Variants in NLRP11 observed in about 807,000 individuals in gnomAD.
NLRP11 encodes the protein NACHT, LRR and PYD domains-containing protein 11.
Under a neutral mutation model 79.3 loss-of-function variants are expected in NLRP11, and 53 were observed. That is an observed-to-expected ratio of 0.67 (90% CI 0.54 to 0.84). The LOEUF is 0.84. Ranked by LOEUF, NLRP11 falls within the 40% of genes least tolerant of loss-of-function variation. The pLI, the probability that NLRP11 is intolerant of heterozygous loss-of-function variation, is 0.00. For synonymous variants in NLRP11, 518 were observed against 462.6 expected, an observed-to-expected ratio of 1.12 and a Z score of -1.54; for missense variants, 1,264 against 1,255.0, an observed-to-expected ratio of 1.01 and a Z score of -0.11.
At chr19:55,829,388 GGC>G in intron 1 of NLRP11, among the ~76,000 whole-genome samples, 1 of 152,038 alleles carries the variant, frequency 6.6e-6, no homozygotes, top group Middle Eastern at 3.4e-3. Context: ...CTTTAGGCTG[GGC>G]AGGGTGGCTC....
chr19:55,792,146 C>T (rs749557236), intron 7 of NLRP11, among the ~76,000 whole-genome samples, 155 bp downstream of exon 7: 1 of 152,074 alleles, frequency 6.6e-6, no homozygotes, highest in African/African-American at 2.4e-5. Flanking sequence ...TGAATCTTAC[C>T]GTGCTTTCAT....
rs958924740 is a variant in NLRP11, at chr19:55,809,380, C to T, written c.1230G>A (p.Leu410=). 1 of 1,614,160 alleles carries T rather than the reference C, an allele frequency of 6.2e-7. No homozygotes were observed. Among genetic ancestry groups the T allele is most frequent in the East Asian group, 2.2e-5 (1 of 44,874 alleles). The change falls in exon 3 of 10, where the codon CTG becomes CTA. Residue 410 remains leucine (L), a synonymous_variant. Transcript: ENST00000589093. This position sits in a 1 kb window ranked among gnomAD's most constrained non-coding sequence, Gnocchi z 4.5. ...ATCTGAGGTCTTCACCACTGAAATT[C>T]AGGGTGCTCAGAAACAGTCCTCCTG...
chr19:55,796,145 C>T (rs201726892), exon 6 of NLRP11: 155 of 1,613,982 alleles, frequency 9.6e-5, no homozygotes, highest in Non-Finnish European at 1.2e-4. Context: ...TCCCGTCGCT[C>T]CTCAGCGGAT....
At chr19:55,834,503 A>G (rs550141988), upstream of NLRP11, among the ~76,000 whole-genome samples, 17 of 152,370 alleles carry the variant, frequency 1.1e-4, no homozygotes, top group African/African-American at 4.1e-4. Flanking sequence ...GTAGGCAGTA[A>G]GGTGCAGCTA....
intron 1 of NLRP11, among the ~76,000 whole-genome samples, chr19:55,821,189 GCTCT>G (rs146995362): frequency 3.7e-4 from 52 of 140,674 alleles, no homozygotes; most frequent in South Asian, 7.2e-4. Context: ...TATGTGACCA[GCTCT>G]CTCTCTCTCT....
At position 55,796,222 on chromosome 19, in the gene NLRP11, C is replaced by T. The variant is rs200567115; in HGVS notation, c.2200G>A (p.Glu734Lys). The change falls in exon 6 of 10, where the codon GAA (glutamate) becomes AAA (lysine). Residue 734 changes from glutamate to lysine, a missense_variant. Glu to Lys is a moderately conservative substitution (Grantham distance 56). Transcript: ENST00000589093. ...AGGAGAGAGGCGATTTCTTCACATT[C>T]GCTGGCTCGCAAATCACATTTCATC... is the stretch of plus-strand genomic sequence containing the variant. The T allele has an allele frequency of 8.8e-5, 142 of 1,613,286 alleles. 1 individual carries two copies. The Middle Eastern group carries it at 9.9e-4, about 11-fold the overall frequency.
chr19:55,787,497 C>T (rs566287363), intron 9 of NLRP11, among the ~76,000 whole-genome samples: 78 of 152,198 alleles, frequency 5.1e-4, no homozygotes, highest in African/African-American at 1.6e-3. Flanking sequence ...TCACTACGCC[C>T]GGCTAACTTT....
At chr19:55,820,869 G>A (rs958729012) in intron 1 of NLRP11, among the ~76,000 whole-genome samples, 1 of 152,148 alleles carries the variant, frequency 6.6e-6, no homozygotes, top group Admixed American at 6.5e-5. Flanking sequence ...CTGAAGCCAG[G>A]ATTTCAGGGT....
At chr19:55,827,432 A>T (rs1038685477) in intron 1 of NLRP11, among the ~76,000 whole-genome samples, 2 of 150,850 alleles carry the variant, frequency 1.3e-5, no homozygotes, top group African/African-American at 4.9e-5. Flanking sequence ...AATTAAACTA[A>T]AGAGCTTCTG....
chr19:55,811,112 A>AT lies in NLRP11; in HGVS notation c.272-775dup, dbSNP rs886388752. 5.9e-4 allele frequency among the ~76,000 whole-genome samples: 89 copies of AT among 152,026 alleles called. 3 individuals are homozygous for AT. The highest frequency in any genetic ancestry group is 1.8e-4 in the Non-Finnish European group (12 of 67,994). On this transcript the variant is annotated intron_variant, in intron 2 of 9. Coordinates refer to ENST00000589093, the Ensembl canonical transcript of NLRP11. ...GAGTTACACGTTCATCTTCCCTTCTATTTTTTTGTTTATGCATATCATTAC... is the reference window on the plus strand; with the variant it reads ...GAGTTACACGTTCATCTTCCCTTCTATTTTTTTTGTTTATGCATATCATTAC...
chr19:55,809,475 T>C lies in NLRP11; in HGVS notation c.1135A>G (p.Thr379Ala). The C allele has an allele frequency of 6.2e-7, 1 of 1,614,066 alleles. No homozygotes were observed. The change falls in exon 3 of 10, where the codon ACA becomes GCA. Residue 379 changes from threonine to alanine, a missense_variant. Coordinates refer to ENST00000589093, the Ensembl canonical transcript of NLRP11. This position sits in a 1 kb window ranked among gnomAD's most constrained non-coding sequence, Gnocchi z 4.5. ...TTGGCAGTAAGTCCAGCCTCTGATG[T>C]CAACGCATCAGCAAGAAAGTGGGCA...
At chr19:55,788,741 CAAAAAAAAAAA>C (rs58239530) in intron 9 of NLRP11, 55 bp downstream of exon 9, 37 of 380,366 alleles carry the variant, frequency 9.7e-5, no homozygotes, top group African/African-American at 1.8e-4. Flanking sequence ...CTCTGTCTCT[CAAAAAAAAAAA>C]AAAAAAAAAA....
chr19:55,786,793 T>C (rs1275301077), intron 9 of NLRP11, among the ~76,000 whole-genome samples: 1 of 152,170 alleles, frequency 6.6e-6, no homozygotes, highest in African/African-American at 2.4e-5. Flanking sequence ...AGGAATTAGA[T>C]AATAGAATAA....
chr19:55,802,390 G>A (rs1007576099), intron 4 of NLRP11, among the ~76,000 whole-genome samples: 1 of 152,160 alleles, frequency 6.6e-6, no homozygotes, highest in Non-Finnish European at 1.5e-5. Context: ...CAGCCAAGCT[G>A]AGAGCCAAAT....
intron 6 of NLRP11, among the ~76,000 whole-genome samples, chr19:55,793,074 C>G (rs1237383788): frequency 6.6e-6 from 1 of 152,108 alleles, no homozygotes; most frequent in African/African-American, 2.4e-5. Context: ...AGATGGGGGT[C>G]TCACTGTGTT....
rs150151613 is a variant in NLRP11 at position 55,809,607 on chromosome 19, G to A, written c.1003C>T (p.Leu335=). The change falls in exon 3 of 10, where the codon CTG becomes TTG. Residue 335 remains leucine, a synonymous_variant. Transcript: ENST00000589093. This position sits in a 1 kb window ranked among gnomAD's most constrained non-coding sequence, Gnocchi z 4.5. Reference sequence around the variant, plus strand: ...CAGCATAAGATGGCGACTCGGCACAGACCCACGAGTATTTCATCCTCATGT... The same window carrying A: ...CAGCATAAGATGGCGACTCGGCACAAACCCACGAGTATTTCATCCTCATGT... The A allele has an allele frequency of 1.2e-6, 2 of 1,614,094 alleles. No individual in the cohort carries two copies. Among genetic ancestry groups the A allele is most frequent in the South Asian group, 1.1e-5 (1 of 91,082 alleles).
At chr19:55,821,216 C>T (rs879869256) in intron 1 of NLRP11, among the ~76,000 whole-genome samples, 1,482 of 102,650 alleles carry the variant, frequency 0.014, 24 homozygotes, top group Admixed American at 0.057. Context: ...CACACACACA[C>T]ACACACACAC....
exon 4 of NLRP11, chr19:55,807,857 G>A: frequency 3.7e-6 from 6 of 1,607,032 alleles, no homozygotes; most frequent in African/African-American, 1.3e-5. Flanking sequence ...ACTTACTTGA[G>A]TGTGCGAAGT....
chr19:55,789,361 T>C (rs1990100662), exon 8 of NLRP11: 1 of 1,614,030 alleles, frequency 6.2e-7, no homozygotes. Context: ...TATGGCAATA[T>C]ATTGACAGAT....
Sources: gnomAD v4.1 joint callset for allele counts (sites outside exome capture counted in the v4.1 genomes callset) on GRCh38, gnomAD v4.1.1 for gene constraint, Gnocchi (gnomAD v3.1) non-coding constraint, MANE v1.5 for transcripts, NCBI Gene and HGNC (gene_info 2026-07-23, HGNC 2026-07-21) for gene names.